MVB12A: variants seen among roughly 807,000 people sequenced by gnomAD.
MVB12A encodes multivesicular body subunit 12A.
Under a neutral mutation model 34.3 loss-of-function variants are expected in MVB12A, and 30 were observed. The ratio of observed to expected loss-of-function variants is 0.88; its 90% CI spans 0.65 to 1.19. The LOEUF is 1.19. Ranked by LOEUF, MVB12A falls within the 50% of genes most tolerant of loss-of-function variation. MVB12A has a pLI of 0.00. For missense variants in MVB12A, 355 were observed against 369.2 expected, an observed-to-expected ratio of 0.96 and a Z score of 0.31; for synonymous variants, 158 against 158.9, an observed-to-expected ratio of 0.99 and a Z score of 0.04.
intron 2 of MVB12A, among the ~76,000 whole-genome samples, chr19:17,410,707 T>C (rs2074763822): frequency 6.8e-6 from 1 of 146,600 alleles, no homozygotes; most frequent in Non-Finnish European, 1.5e-5. Flanking sequence ...GGCGGGTGGA[T>C]GACCTGACGT....
At chr19:17,409,092 G>A (rs1030480908) in intron 2 of MVB12A, among the ~76,000 whole-genome samples, 2 of 151,196 alleles carry the variant, frequency 1.3e-5, no homozygotes, top group Non-Finnish European at 2.9e-5. Flanking sequence ...GACTCACCAA[G>A]TACTGGGATT....
chr19:17,413,570 T>G (rs574284486), intron 2 of MVB12A, among the ~76,000 whole-genome samples: 1 of 152,004 alleles, frequency 6.6e-6, no homozygotes, highest in South Asian at 2.1e-4. Context: ...TCAGGTGATC[T>G]GCCACTCAGG....
intron 2 of MVB12A, among the ~76,000 whole-genome samples, chr19:17,410,766 TA>T (rs954686444): frequency 3.0e-4 from 43 of 144,930 alleles, no homozygotes; most frequent in Admixed American, 6.2e-4. Flanking sequence ...CTGTCTCTAC[TA>T]AAAATACAAA....
intron 5 of MVB12A, 27 bp from the exon 6 acceptor site, chr19:17,423,666 G>T: frequency 6.2e-7 from 1 of 1,613,630 alleles, no homozygotes; most frequent in East Asian, 2.2e-5. Flanking sequence ...GGAGGATGAG[G>T]CTTAACCTGA....
chr19:17,417,737 C>T (rs2074810378), upstream of MVB12A: 1 of 182,784 alleles, frequency 5.5e-6, no homozygotes, highest in African/African-American at 2.4e-5. Flanking sequence ...CCTTTAGCTG[C>T]TCTATAATCC....
chr19:17,421,293 T>C (rs530353017), intron 3 of MVB12A: 38 of 341,674 alleles, frequency 1.1e-4, no homozygotes, highest in South Asian at 8.6e-4. Context: ...CAAGCGATTC[T>C]CCTGCCTCAT....
At chr19:17,417,213 C>T (rs1800144282), upstream of MVB12A, 10 of 97,000 alleles carry the variant, frequency 1.0e-4, no homozygotes, top group Non-Finnish European at 1.9e-4. Context: ...TCACCCAGAG[C>T]TTTTTTTTTT....
At chr19:17,406,610 C>G (rs2074730556) in intron 2 of MVB12A, among the ~76,000 whole-genome samples, 2 of 152,020 alleles carry the variant, frequency 1.3e-5, no homozygotes, top group Non-Finnish European at 2.9e-5. Flanking sequence ...GAACTCCCCC[C>G]AGGCCCTGAC....
At chr19:17,422,631 A>G (rs879922893) in intron 4 of MVB12A, 173 bp downstream of exon 4, 6 of 549,268 alleles carry the variant, frequency 1.1e-5, no homozygotes, top group African/African-American at 1.9e-5. Context: ...GACTGTCATT[A>G]GGAGTCAGTG....
At chr19:17,422,590 T>A in intron 4 of MVB12A, 132 bp downstream of exon 4, 1 of 838,674 alleles carries the variant, frequency 1.2e-6, no homozygotes, top group Non-Finnish European at 1.8e-6. Flanking sequence ...ATTCTGCATG[T>A]TAAAACCGGG....
In MVB12A at chr19:17,420,298, G is replaced by T; in HGVS notation, c.91-15G>T. The T allele has an allele frequency of 1.3e-6, 2 of 1,579,682 alleles. No individual in the cohort carries two copies. Among genetic ancestry groups the T allele is most frequent in the South Asian group, 1.1e-5 (1 of 88,008 alleles). ...TGGGGTGGGAGTCCGGCGCTGACCC[G>T]CGTCCTCCCGGTAGATCTCCTGCAC... On this transcript the variant is annotated splice_polypyrimidine_tract_variant and intron_variant, in intron 1 of 8. Coordinates refer to ENST00000317040, the MANE Select transcript of MVB12A (RefSeq NM_138401.4).
intron 7 of MVB12A, among the ~76,000 whole-genome samples, chr19:17,424,305 G>T (rs1403346813): frequency 1.3e-5 from 2 of 152,166 alleles, no homozygotes; most frequent in Admixed American, 1.3e-4. Context: ...AGGGATGCTG[G>T]GCATGGTGGC....
chr19:17,412,822 G>T lies in MVB12A; in HGVS notation c.-5+6526G>T, dbSNP rs181702724. 2.2e-3 allele frequency among the ~76,000 whole-genome samples: 331 copies of T among 152,300 alleles called. 1 individual carries two copies. The highest frequency in any genetic ancestry group is 7.4e-3 in the African/African-American group (307 of 41,560). On this transcript the variant is annotated intron_variant, in intron 2 of 6. Transcript: ENST00000528604. ...AAAGATTAATTTTGCAGCTGTCTCA[G>T]GGTCTGGTGGAGGGCTGATGGATGT... is the stretch of plus-strand genomic sequence containing the variant.
chr19:17,418,857 CTGGGAAA>C (rs1269418992), upstream of MVB12A: 1 of 109,492 alleles, frequency 9.1e-6, no homozygotes, highest in Non-Finnish European at 1.9e-5. Flanking sequence ...GATAAAATAA[CTGGGAAA>C]GTTCTCTTTC....
intron 8 of MVB12A, 73 bp from the exon 9 acceptor site, chr19:17,424,858 T>G: frequency 1.1e-5 from 14 of 1,226,782 alleles, no homozygotes; most frequent in East Asian, 2.3e-5. Context: ...CACTCTGCCA[T>G]TCCTCAGTCA....
chr19:17,418,156 A>C (rs2145758520), upstream of MVB12A: 1 of 152,804 alleles, frequency 6.5e-6, no homozygotes, highest in East Asian at 1.9e-4. Context: ...TGGCCTCCCA[A>C]AGTGCTGGGA....
chr19:17,417,127 C>T (rs775209180), upstream of MVB12A: 20 of 280,600 alleles, frequency 7.1e-5, no homozygotes, highest in Middle Eastern at 1.5e-3. Context: ...CAACCTCTTC[C>T]TCATATTTCT....
intron 2 of MVB12A, among the ~76,000 whole-genome samples, chr19:17,410,008 C>T (rs2074754299): frequency 6.6e-6 from 1 of 151,876 alleles, no homozygotes; most frequent in Non-Finnish European, 1.5e-5. Flanking sequence ...CCGTCCATCT[C>T]GGCCTCCCAA....
chr19:17,412,211 G>A (rs971697599), intron 2 of MVB12A, among the ~76,000 whole-genome samples: 1 of 152,152 alleles, frequency 6.6e-6, no homozygotes, highest in Non-Finnish European at 1.5e-5. Flanking sequence ...CCATCATGGC[G>A]AACCAGCTCC....
Sources: gnomAD v4.1 joint callset for allele counts (sites outside exome capture counted in the v4.1 genomes callset) on GRCh38, gnomAD v4.1.1 for gene constraint, MANE v1.5 for transcripts, NCBI Gene and HGNC (gene_info 2026-07-23, HGNC 2026-07-21) for gene names.